The following RAB27B variants were observed in gnomAD, a reference collection of about 807,000 sequenced individuals.
RAB27B encodes the protein ras-related protein Rab-27B.
RAB27B carries 15 observed loss-of-function variants against 24.6 expected under a neutral mutation model. The ratio of observed to expected loss-of-function variants is 0.61; its 90% CI spans 0.41 to 0.94. The LOEUF (loss-of-function observed/expected upper bound fraction) is 0.94, where lower values mean the gene tolerates loss of function less well. Ranked by LOEUF, RAB27B falls within the 40% of genes least tolerant of loss-of-function variation. The pLI is 0.00. For synonymous variants in RAB27B, 105 were observed against 92.5 expected (o/e 1.14, Z -0.78); for missense variants, 261 against 266.8 (o/e 0.98, Z 0.15).
chr18:54,850,874 G>T lies in RAB27B; in HGVS notation c.-20+22174G>T, dbSNP rs182616643. On this transcript the variant is annotated intron_variant, in intron 1 of 5. Transcript: ENST00000262094. ...ATTCCTAAAGAGAGTGTTGTGTTGT[G>T]TTGTATTTAAAAGAAAAGGGCTGTG... Among the ~76,000 whole-genome samples the T allele has an allele frequency of 6.5e-3, 984 of 151,742 alleles. 10 individuals carry two copies. Among genetic ancestry groups the T allele is most frequent in the African/African-American group, 0.023 (946 of 41,376 alleles).
At chr18:54,879,296 T>G in intron 2 of RAB27B, 73 bp from the exon 3 acceptor site, 1 of 1,111,438 alleles carries the variant, frequency 9.0e-7, no homozygotes, top group Non-Finnish European at 1.4e-6. Context: ...AAAAACATGC[T>G]GAGTGAACCC....
intron 2 of RAB27B, among the ~76,000 whole-genome samples, chr18:54,730,175 G>A (rs553625168): frequency 3.3e-5 from 5 of 152,100 alleles, no homozygotes; most frequent in East Asian, 3.9e-4. Flanking sequence ...CTTTTATGAC[G>A]TTTTAGTCTG....
intron 2 of RAB27B, among the ~76,000 whole-genome samples, chr18:54,799,974 C>T (rs1198962227): frequency 1.3e-5 from 2 of 152,032 alleles, no homozygotes; most frequent in African/African-American, 2.4e-5. Context: ...GGAGAATAAC[C>T]GTTATCCCAC....
intron 1 of RAB27B, among the ~76,000 whole-genome samples, chr18:54,855,074 C>G (rs954434051): frequency 6.6e-6 from 1 of 152,298 alleles, no homozygotes; most frequent in Middle Eastern, 3.4e-3. Flanking sequence ...TGGACTGTCC[C>G]ATCTGGGGGT....
chr18:54,807,467 G>GATTAT (rs1909827319), intron 2 of RAB27B, among the ~76,000 whole-genome samples: 2 of 152,054 alleles, frequency 1.3e-5, no homozygotes, highest in African/African-American at 4.8e-5. Flanking sequence ...AATCTCCTCG[G>GATTAT]GAACTTGGAG....
chr18:54,813,249 C>T lies in RAB27B; in HGVS notation c.-19-64318C>T, dbSNP rs79834656. Among the ~76,000 whole-genome samples, 112 of 152,270 alleles carry T rather than the reference C, an allele frequency of 7.4e-4. 1 individual carries two copies. The East Asian group carries it at 0.021, about 29-fold the overall frequency. On this transcript the variant is annotated intron_variant, in intron 2 of 4. Transcript: ENST00000586570. ...CTACTTGAAGCAGAGGTAAGAGGAA[C>T]ATTTAAAAATGTAGTCTGCTGTGCC...
At chr18:54,731,692 A>C (rs1005523842) in intron 2 of RAB27B, among the ~76,000 whole-genome samples, 2 of 152,208 alleles carry the variant, frequency 1.3e-5, no homozygotes, top group East Asian at 1.9e-4. Flanking sequence ...ACAACAACAA[A>C]AAAAGAAAGT....
intron 2 of RAB27B, among the ~76,000 whole-genome samples, chr18:54,784,459 C>T (rs1385668327): frequency 6.6e-6 from 1 of 152,160 alleles, no homozygotes; most frequent in Non-Finnish European, 1.5e-5. Flanking sequence ...ACCCTCTGTT[C>T]CCCATTTTGG....
At position 54,755,542 on chromosome 18, in the gene RAB27B, G is replaced by A. The variant is rs1364549324; in HGVS notation, c.-20+37401G>A. Among the ~76,000 whole-genome samples, 3 of 152,058 alleles carry A rather than the reference G, an allele frequency of 2.0e-5. 1 individual carries two copies. The highest frequency in any genetic ancestry group is 6.6e-5 in the Admixed American group (1 of 15,264). Reference sequence around the variant, plus strand: ...GACAATGTAATCCTCACAATTAAAGGCCATGATAAATTACAAGTAGGTGAT... The same window carrying A: ...GACAATGTAATCCTCACAATTAAAGACCATGATAAATTACAAGTAGGTGAT... On this transcript the variant is annotated intron_variant, in intron 2 of 4. Transcript: ENST00000586570.
intron 2 of RAB27B, among the ~76,000 whole-genome samples, chr18:54,729,253 C>A (rs1272015054): frequency 1.3e-5 from 2 of 152,050 alleles, no homozygotes; most frequent in South Asian, 2.1e-4. Flanking sequence ...ATACAAGGGG[C>A]CTAGAATGAT....
At chr18:54,817,405 A>G (rs949473469) in intron 2 of RAB27B, among the ~76,000 whole-genome samples, 5 of 152,174 alleles carry the variant, frequency 3.3e-5, no homozygotes, top group African/African-American at 1.2e-4. Context: ...TTTATAATGT[A>G]TAGGCTTCCA....
At chr18:54,720,450 C>T (rs1909324792) in intron 2 of RAB27B, among the ~76,000 whole-genome samples, 2 of 151,902 alleles carry the variant, frequency 1.3e-5, no homozygotes, top group Admixed American at 1.3e-4. Context: ...CTTTTCCATC[C>T]AAAAAGACAG....
chr18:54,859,391 A>G (rs774633928), intron 1 of RAB27B, among the ~76,000 whole-genome samples: 10 of 152,140 alleles, frequency 6.6e-5, no homozygotes, highest in Admixed American at 2.0e-4. Context: ...TATAATGCAA[A>G]ATTCTAAGTA....
At chr18:54,870,060 A>T (rs1912401750) in intron 1 of RAB27B, among the ~76,000 whole-genome samples, 2 of 152,178 alleles carry the variant, frequency 1.3e-5, no homozygotes, top group Non-Finnish European at 2.9e-5. Context: ...AATCCCAAGA[A>T]TACATGAACT....
Position 54,889,447 on chromosome 18 carries a change from C to A in RAB27B, c.*34C>A, listed in dbSNP as rs772494036. On this transcript the variant is annotated 3_prime_UTR_variant, in exon 6 of 6. Coordinates refer to ENST00000262094, the MANE Select transcript of RAB27B (RefSeq NM_004163.4). ...TAGAAACTGAACATCAAGAACCCCA[C>A]CAAAATATTACTTTTAAAAACAATG... 5.6e-5 allele frequency: 87 copies of A among 1,548,234 alleles called. No individual in the cohort carries two copies. The highest frequency in any genetic ancestry group is 7.0e-5 in the Non-Finnish European group (80 of 1,144,048).
chr18:54,779,580 C>T (rs1428646899), intron 2 of RAB27B, among the ~76,000 whole-genome samples: 2 of 152,050 alleles, frequency 1.3e-5, no homozygotes, highest in Non-Finnish European at 2.9e-5. Context: ...TACACAGCAA[C>T]GTACAAAGGT....
At chr18:54,880,503 C>T (rs558239446) in intron 3 of RAB27B, 2 of 152,276 alleles carry the variant, frequency 1.3e-5, no homozygotes, top group Admixed American at 6.5e-5. Context: ...TGAAATGCAT[C>T]CAAAGCGTTC....
At chr18:54,873,644 A>G (rs1269337462) in intron 1 of RAB27B, among the ~76,000 whole-genome samples, 1 of 151,728 alleles carries the variant, frequency 6.6e-6, no homozygotes, top group Middle Eastern at 3.2e-3. Flanking sequence ...TTAGGACTCA[A>G]AAAAATCACA....
rs548288719 is a variant in RAB27B at position 54,867,442 on chromosome 18, CTTTT to C, written c.-19-10108_-19-10105del. Among the ~76,000 whole-genome samples, 142 of 98,800 alleles carry C rather than the reference CTTTT, an allele frequency of 1.4e-3. 1 individual carries two copies. The highest frequency in any genetic ancestry group is 4.8e-3 in the African/African-American group (135 of 27,954). 64.8% of individuals were successfully genotyped at this position (98,800 alleles called of 152,430 possible). On this transcript the variant is annotated intron_variant, in intron 1 of 5. Transcript: ENST00000262094. Reference sequence around the variant, plus strand: ...CTGATGCTTTCTTTTCTTTTCTTTTCTTTTTTTTTTTTTTTTTTTTCTGAGATGG... The same window carrying C: ...CTGATGCTTTCTTTTCTTTTCTTTTCTTTTTTTTTTTTTTTTCTGAGATGG...
Sources: allele counts gnomAD v4.1 joint callset (sites outside exome capture counted in the v4.1 genomes callset), GRCh38; gene constraint gnomAD v4.1.1; transcripts MANE v1.5; gene names NCBI Gene and HGNC (gene_info 2026-07-23, HGNC 2026-07-21).